HEPH: variants seen among roughly 807,000 people sequenced by gnomAD.
HEPH encodes hephaestin.
HEPH carries 69 observed loss-of-function variants against 80.8 expected under a neutral mutation model. That is an observed-to-expected ratio of 0.85 (90% CI 0.70 to 1.04). HEPH has a LOEUF of 1.04. Among genes scored for constraint, HEPH ranks in the 50% least tolerant of loss-of-function variants. The pLI, the probability that HEPH is intolerant of heterozygous loss-of-function variation, is 0.00. For synonymous variants in HEPH, 431 were observed against 322.8 expected (o/e 1.34, Z -3.60); for missense variants, 1,115 against 891.3 (o/e 1.25, Z -3.20).
At chrX:66,244,873 G>A (rs186011795) in intron 15 of HEPH, among the ~76,000 whole-genome samples, 34 of 106,301 alleles carry the variant, frequency 3.2e-4, no homozygotes, top group African/African-American at 1.2e-3. Flanking sequence ...TGATTGTGGT[G>A]CAAGGTGGGT....
Position 66,260,225 on chromosome X carries a change from T to G in HEPH, c.3162T>G (p.Ala1054=). 1 of 1,207,123 alleles carries G rather than the reference T, an allele frequency of 8.3e-7. No homozygotes were observed. Among genetic ancestry groups the G allele is most frequent in the Non-Finnish European group, 1.1e-6 (1 of 891,674 alleles). The stretch of plus-strand genomic sequence containing the variant: ...GCCATGTGACTGACCATGTCCATGC[T>G]GGCATGGAGACCCTCTTCACTGTTT... ...MHCHVTDHVH[A]GMETLFTVFS... is the part of the protein sequence containing the mutation. Residue 1054 remains alanine (A), a synonymous_variant, in exon 19 of 21, where the codon GCT becomes GCG. Coordinates refer to ENST00000343002, the MANE Select transcript of HEPH (RefSeq NM_001367233.3).
intron 15 of HEPH, among the ~76,000 whole-genome samples, chrX:66,216,210 T>C (rs1033064114): frequency 9.0e-6 from 1 of 111,381 alleles, no homozygotes; most frequent in African/African-American, 3.3e-5. Flanking sequence ...ATGAGAAGCA[T>C]GTATCCTCCC....
At chrX:66,258,690 G>C (rs1363369197) in intron 17 of HEPH, 150 bp from the exon 18 acceptor site, 3 of 401,209 alleles carry the variant, frequency 7.5e-6, no homozygotes, top group Non-Finnish European at 1.3e-5. Context: ...CTTGAAGAGG[G>C]ACAGATGGAA....
rs2091266237 is a variant in HEPH, at chrX:66,258,880, C to G, written c.2937C>G (p.Thr979=). ...GKLYANLRGL[T]MYQGERVAWY... ...TCTATGCCAACCTTAGGGGTCTTAC[C>G]ATGTACCAAGGAGAACGAGTGGCCT... Residue 979 remains threonine (T), a synonymous_variant, in exon 18 of 21, where the codon ACC becomes ACG. Transcript: ENST00000343002. 3 of 1,190,092 alleles carry G rather than the reference C, an allele frequency of 2.5e-6. No individual in the cohort carries two copies. The highest frequency in any genetic ancestry group is 3.4e-6 in the Non-Finnish European group (3 of 884,855).
intron 15 of HEPH, among the ~76,000 whole-genome samples, chrX:66,245,891 G>T (rs765613846): frequency 8.9e-6 from 1 of 112,402 alleles, no homozygotes; most frequent in Admixed American, 9.4e-5. Context: ...CTACTCCTTG[G>T]TGTTTAAATA....
Position 66,234,838 on chromosome X carries a change from G to A in HEPH, c.2564-20197G>A, listed in dbSNP as rs187890275. ...TTTGTTTTGTATTTTTAGTAGAGAC[G>A]GGGTTTCACCATGTTGGGCAGGTTG... On this transcript the variant is annotated intron_variant, in intron 15 of 20. Coordinates refer to ENST00000343002, the MANE Select transcript of HEPH (RefSeq NM_001367233.3). Among the ~76,000 whole-genome samples the A allele has an allele frequency of 4.6e-5, 5 of 109,795 alleles. No individual in the cohort carries two copies. In the East Asian group the frequency reaches 1.4e-3, roughly 31 times the overall value.
In HEPH at chrX:66,189,691, T is replaced by C; in HGVS notation, c.816T>C (p.Asn272=). 2.5e-6 allele frequency: 3 copies of C among 1,206,712 alleles called. No homozygotes were observed. Among genetic ancestry groups the C allele is most frequent in the Non-Finnish European group, 3.4e-6 (3 of 891,542 alleles). ...TTGGGTTTTCTTTTGCAGCAATCAA[T>C]GGCTTTGTTTTTGGGAATTTACCTG... The part of the protein sequence containing the change: ...FQESNRMHAI[N]GFVFGNLPEL... Residue 272 remains asparagine (N), a synonymous_variant, in exon 6 of 21, where the codon AAT becomes AAC. Coordinates refer to ENST00000343002, the MANE Select transcript of HEPH (RefSeq NM_001367233.3).
chrX:66,234,287 T>G (rs912146467), intron 15 of HEPH, among the ~76,000 whole-genome samples: 7 of 111,303 alleles, frequency 6.3e-5, no homozygotes, highest in African/African-American at 2.3e-4. Flanking sequence ...TTATAATGCT[T>G]CTTTTTTTAA....
intron 11 of HEPH, among the ~76,000 whole-genome samples, chrX:66,199,463 CTT>C (rs896042269): frequency 9.0e-6 from 1 of 110,678 alleles, no homozygotes; most frequent in Non-Finnish European, 1.9e-5. Context: ...TGCTCCATCT[CTT>C]GATTCCCATT....
chrX:66,231,126 A>G (rs1483647326), intron 15 of HEPH, among the ~76,000 whole-genome samples: 2 of 109,495 alleles, frequency 1.8e-5, no homozygotes, highest in East Asian at 5.8e-4. Context: ...GTTCTGTTCC[A>G]TTGATCTATA....
intron 1 of HEPH, 89 bp from the exon 2 acceptor site, chrX:66,170,469 G>T (rs952853014): frequency 2.5e-6 from 2 of 814,116 alleles, no homozygotes; most frequent in East Asian, 3.4e-5. Flanking sequence ...ACTCAACCTG[G>T]CTCTTGCCTC....
At chrX:66,232,594 G>T (rs1038227026) in intron 15 of HEPH, among the ~76,000 whole-genome samples, 5 of 110,874 alleles carry the variant, frequency 4.5e-5, no homozygotes, top group Non-Finnish European at 5.7e-5. Context: ...TGCAATGGGG[G>T]CATATGAAAG....
At chrX:66,171,799 AT>A (rs34697314) in intron 2 of HEPH, among the ~76,000 whole-genome samples, 30,674 of 106,548 alleles carry the variant, frequency 0.29, 3,990 homozygotes, top group African/African-American at 0.49. Context: ...GTGTATTTGA[AT>A]TTTTTTTTTT....
chrX:66,264,511 T>C (rs1254585822), intron 20 of HEPH, among the ~76,000 whole-genome samples: 1 of 109,264 alleles, frequency 9.2e-6, no homozygotes, highest in Non-Finnish European at 1.9e-5. Flanking sequence ...TATTTTTCTG[T>C]GCAGCCCAGG....
chrX:66,225,778 G>A (rs112977750), intron 15 of HEPH, among the ~76,000 whole-genome samples: 1 of 112,888 alleles, frequency 8.9e-6, no homozygotes, highest in Admixed American at 9.3e-5. Flanking sequence ...GGCCTAAGCC[G>A]CCTAAGGGGC....
intron 20 of HEPH, among the ~76,000 whole-genome samples, chrX:66,264,021 C>G (rs201260670): frequency 1.8e-5 from 2 of 110,495 alleles, no homozygotes; most frequent in East Asian, 5.7e-4. Context: ...ACTGCATGTT[C>G]TCACTTATAA....
chrX:66,261,937 G>A (rs942911190), intron 19 of HEPH, among the ~76,000 whole-genome samples: 1 of 111,990 alleles, frequency 8.9e-6, no homozygotes, highest in African/African-American at 3.2e-5. Flanking sequence ...ATAGATCCAA[G>A]ACAACAGGTT....
intron 15 of HEPH, among the ~76,000 whole-genome samples, chrX:66,240,735 T>C (rs2090538810): frequency 8.9e-6 from 1 of 112,149 alleles, no homozygotes; most frequent in African/African-American, 3.2e-5. Flanking sequence ...CAGAATTCTG[T>C]ACACTGAAAA....
chrX:66,220,491 A>T (rs1440517614), intron 15 of HEPH, among the ~76,000 whole-genome samples: 2 of 111,437 alleles, frequency 1.8e-5, no homozygotes, highest in African/African-American at 6.5e-5. Context: ...TGGTACAGGA[A>T]GGGCCACTTT....
Sources: gnomAD v4.1 joint callset for allele counts (sites outside exome capture counted in the v4.1 genomes callset) on GRCh38, gnomAD v4.1.1 for gene constraint, MANE v1.5 for transcripts, NCBI Gene and HGNC (gene_info 2026-07-23, HGNC 2026-07-21) for gene names.